Variants in ZNF557 observed in about 807,000 individuals in gnomAD.
The protein encoded by ZNF557 is CTB-25J19.9.
A neutral mutation model predicts 21.2 loss-of-function variants in ZNF557; 19 were observed. The ratio of observed to expected loss-of-function variants is 0.90; its 90% confidence interval spans 0.63 to 1.32. The LOEUF is 1.32. Among genes scored for constraint, ZNF557 ranks in the 40% most tolerant of loss-of-function variants. The probability of loss-of-function intolerance (pLI) is 0.00; values close to 1 mark genes in which losing one functional copy is unlikely to be tolerated. For synonymous variants in ZNF557, 207 were observed against 194.8 expected (o/e 1.06, Z -0.52); for missense variants, 487 against 519.8 (o/e 0.94, Z 0.61).
intron 5 of ZNF557, among the ~76,000 whole-genome samples, chr19:7,077,369 C>G (rs557371081): frequency 6.6e-6 from 1 of 152,182 alleles, no homozygotes; most frequent in East Asian, 1.9e-4. Flanking sequence ...CTCCTGGCCT[C>G]AAGTGATCCA....
rs984279674 is a variant in ZNF557, at chr19:7,085,014, C to G, written c.*1270C>G. On this transcript the variant is annotated 3_prime_UTR_variant, in exon 8 of 8. Transcript: ENST00000252840. The stretch of plus-strand genomic sequence containing the variant: ...GCCTGTGACACAAACAGTCATATTA[C>G]CAAGCACAAGACAGTATAGTTTGGT... 1 of 152,050 alleles carries G rather than the reference C, an allele frequency of 6.6e-6. No homozygotes were observed. The highest frequency in any genetic ancestry group is 1.9e-4 in the East Asian group (1 of 5,186). The allele number at this position is 152,050 out of a possible 1,614,324, so 9.4% of individuals were successfully genotyped here.
intron 2 of ZNF557, among the ~76,000 whole-genome samples, chr19:7,071,534 C>T (rs771572193): frequency 6.6e-5 from 10 of 152,216 alleles, no homozygotes; most frequent in Non-Finnish European, 8.8e-5. Context: ...GAAGCCAGAA[C>T]GGCTATTGTA....
intron 2 of ZNF557, among the ~76,000 whole-genome samples, chr19:7,071,799 CAA>C (rs71177147): frequency 5.5e-5 from 3 of 55,026 alleles, no homozygotes; most frequent in East Asian, 6.1e-4. Flanking sequence ...GACTGCATCT[CAA>C]AAAAAAAAAA....
rs372814107 is a variant in ZNF557, at chr19:7,075,725, C to T, written c.102C>T (p.Leu34=). Residue 34 remains leucine, a synonymous_variant, in exon 4 of 8, where the codon CTC becomes CTT. Coordinates refer to ENST00000252840, the MANE Select transcript of ZNF557 (RefSeq NM_024341.3). The stretch of plus-strand genomic sequence containing the variant: ...AGGGCGGAGAGCTGGTTAATGAGCT[C>T]CTGAAAAGCTGGCTAAAGGTGAGTC... ...HTEGGELVNE[L]LKSWLKGLVT... is the part of the protein sequence containing the mutation. 208 of 1,613,448 alleles carry T rather than the reference C, an allele frequency of 1.3e-4. No individual in the cohort carries two copies. The highest frequency in any genetic ancestry group is 1.2e-3 in the Middle Eastern group (7 of 6,056).
At chr19:7,071,910 C>A (rs898183847) in intron 2 of ZNF557, among the ~76,000 whole-genome samples, 7 of 148,496 alleles carry the variant, frequency 4.7e-5, no homozygotes, top group Admixed American at 1.3e-4. Flanking sequence ...TCGAGACCAT[C>A]CTGGCTAACG....
rs377018544 is a variant in ZNF557, at chr19:7,075,087, G to T, written c.13G>T (p.Val5Phe). 1 of 1,614,054 alleles carries T rather than the reference G, an allele frequency of 6.2e-7. No homozygotes were observed. Among genetic ancestry groups the T allele is most frequent in the East Asian group, 2.2e-5 (1 of 44,862 alleles). Residue 5 changes from valine (V) to phenylalanine (F), a missense_variant, in exon 3 of 8, where the codon GTC (valine) becomes TTC (phenylalanine). Physicochemically the swap from Val to Phe is conservative, Grantham distance 50. Coordinates refer to ENST00000252840, the MANE Select transcript of ZNF557 (RefSeq NM_024341.3). MAAV[V>F]LPPTAALSSL... is the part of the protein sequence containing the mutation. ...TCGGAGTCACAGGATGGCGGCTGTC[G>T]TCCTGCCCCCAACTGCCGGTGAGTC...
intron 2 of ZNF557, among the ~76,000 whole-genome samples, chr19:7,071,843 C>A (rs1451760353): frequency 7.1e-6 from 1 of 141,280 alleles, no homozygotes; most frequent in Non-Finnish European, 1.5e-5. Flanking sequence ...TGGTGGCTCA[C>A]GCCTGTAATC....
intron 2 of ZNF557, among the ~76,000 whole-genome samples, chr19:7,073,148 G>GTT (rs72453814): frequency 1.9e-3 from 86 of 45,346 alleles, no homozygotes; most frequent in African/African-American, 4.3e-3. Flanking sequence ...TGTTTTTTTG[G>GTT]TTTTTTTTGT....
In ZNF557 at chr19:7,076,421, A is replaced by G; in HGVS notation, c.161A>G (p.Gln54Arg). 1 of 1,614,178 alleles carries G rather than the reference A, an allele frequency of 6.2e-7. No individual in the cohort carries two copies. ...GAGGATGTGGCCGTGGAGTTCACCCAGGAGGAGTGGGCATTGCTGGACCCT... is the reference window on the plus strand; with the variant it reads ...GAGGATGTGGCCGTGGAGTTCACCCGGGAGGAGTGGGCATTGCTGGACCCT... ...TFEDVAVEFT[Q>R]EEWALLDPAQ... is the part of the protein sequence containing the mutation. Residue 54 changes from glutamine to arginine, a missense_variant, in exon 5 of 8, where the codon CAG (glutamine) becomes CGG (arginine). Gln to Arg is a conservative substitution (Grantham distance 43). Coordinates refer to ENST00000252840, the MANE Select transcript of ZNF557 (RefSeq NM_024341.3).
chr19:7,078,591 C>G (rs1461589048), intron 5 of ZNF557, among the ~76,000 whole-genome samples: 1 of 152,030 alleles, frequency 6.6e-6, no homozygotes, highest in Non-Finnish European at 1.5e-5. Flanking sequence ...ACCACCACAG[C>G]TAGCTAATTT....
Position 7,076,471 on chromosome 19 carries a change from G to A in ZNF557, c.211G>A (p.Val71Met), listed in dbSNP as rs561457120. The change falls in exon 5 of 8, where the codon GTG (valine) becomes ATG (methionine). Residue 71 changes from valine (V) to methionine (M), a missense_variant. Transcript: ENST00000252840. Reference sequence around the variant, plus strand: ...TGCCCAAAGGACACTGTACAGGGACGTGATGCTGGAGAACTGCAGGAACCT... The same window carrying A: ...TGCCCAAAGGACACTGTACAGGGACATGATGCTGGAGAACTGCAGGAACCT... ...DPAQRTLYRD[V>M]MLENCRNLAS... 4.3e-6 allele frequency: 7 copies of A among 1,614,028 alleles called. No individual in the cohort carries two copies. The Admixed American group carries it at 5.0e-5, about 12-fold the overall frequency.
Position 7,085,805 on chromosome 19 carries a change from T to TAGTGGTCC in ZNF557, c.*2062_*2069dup, listed in dbSNP as rs1184727001. The stretch of plus-strand genomic sequence containing the variant: ...CTTTTAATATAAACATTTATGGCTA[T>TAGTGGTCC]AGTGGTCCTGAAAATCTTACTACCT... On this transcript the variant is annotated 3_prime_UTR_variant, in exon 8 of 8. Transcript: ENST00000252840. 6.6e-6 allele frequency: 1 copy of TAGTGGTCC among 152,232 alleles called. No individual in the cohort carries two copies. The highest frequency in any genetic ancestry group is 1.5e-5 in the Non-Finnish European group (1 of 68,038). The allele number at this position is 152,232 out of a possible 1,614,324, so 9.4% of individuals were successfully genotyped here. A position where few individuals can be genotyped will look rare whatever the true frequency, so the allele number is the denominator to read the frequency against.
rs950673945 is a variant in ZNF557, at chr19:7,082,950, C to T, written c.499C>T (p.Leu167Phe). 4.3e-6 allele frequency: 7 copies of T among 1,613,514 alleles called. No individual in the cohort carries two copies. The African/African-American group carries it at 9.3e-5, about 22-fold the overall frequency. The change falls in exon 8 of 8, where the codon CTT (leucine) becomes TTT (phenylalanine). Residue 167 changes from leucine (L) to phenylalanine (F), a missense_variant. By Grantham distance (22) the Leu-to-Phe change is conservative. Coordinates refer to ENST00000252840, the MANE Select transcript of ZNF557 (RefSeq NM_024341.3). ...TAAAGTCTTCAGCACAAAATCTTCC[C>T]TTACACGGCACAGGAAGATTCATAC... ...CFKVFSTKSS[L>F]TRHRKIHTGE... is the part of the protein sequence containing the mutation.
intron 4 of ZNF557, 143 bp downstream of exon 4, chr19:7,075,886 G>A (rs1977578771): frequency 1.4e-6 from 2 of 1,455,388 alleles, no homozygotes; most frequent in Non-Finnish European, 1.8e-6. Flanking sequence ...CCCAGAAAAT[G>A]TCAGTGTGTG....
At chr19:7,081,153 GTGTGT>G (rs1568409339) in intron 5 of ZNF557, among the ~76,000 whole-genome samples, 42 of 8,072 alleles carry the variant, frequency 5.2e-3, no homozygotes, top group South Asian at 0.05. Context: ...CTTGTGGGGT[GTGTGT>G]GTGTGTGTGT....
chr19:7,079,409 T>G (rs1260167264), intron 5 of ZNF557, among the ~76,000 whole-genome samples: 2 of 114,036 alleles, frequency 1.8e-5, no homozygotes, highest in African/African-American at 7.4e-5. Context: ...GCCTCGCTAA[T>G]TTTTTATATA....
rs1977848439 is a variant in ZNF557 at position 7,086,393 on chromosome 19, G to GCT, written c.*2652_*2653dup. On this transcript the variant is annotated 3_prime_UTR_variant, in exon 8 of 8. Transcript: ENST00000252840. ...TTTTTTTTTTTTGAGACGGAGTCTT[G>GCT]CTCTGTTGTCCAGGCTAGAATGCAG... is the stretch of plus-strand genomic sequence containing the variant. The GCT allele has an allele frequency of 1.0e-5, 1 of 96,634 alleles. No individual in the cohort carries two copies. The highest frequency in any genetic ancestry group is 1.9e-5 in the Non-Finnish European group (1 of 53,934). The allele number at this position is 96,634 out of a possible 1,614,324, so 6.0% of individuals were successfully genotyped here. A position where few individuals can be genotyped will look rare whatever the true frequency, so the allele number is the denominator to read the frequency against.
Position 7,083,228 on chromosome 19 carries a change from T to C in ZNF557, c.777T>C (p.Thr259=). 1 of 1,614,234 alleles carries C rather than the reference T, an allele frequency of 6.2e-7. No homozygotes were observed. Among genetic ancestry groups the C allele is most frequent in the Non-Finnish European group, 8.5e-7 (1 of 1,180,042 alleles). ...SYLRPHLRIH[T]GEKPYKCNQC... is the part of the protein sequence containing the mutation. ...TCAGACCGCACTTGAGAATTCACAC[T>C]GGAGAAAAACCGTACAAATGTAACC... Residue 259 remains threonine, a synonymous_variant, in exon 8 of 8, where the codon ACT becomes ACC. Coordinates refer to ENST00000252840, the MANE Select transcript of ZNF557 (RefSeq NM_024341.3).
chr19:7,081,646 C>T (rs1263599078), intron 6 of ZNF557, among the ~76,000 whole-genome samples, 191 bp downstream of exon 6: 1 of 152,258 alleles, frequency 6.6e-6, no homozygotes, highest in African/African-American at 2.4e-5. Context: ...TCTGTCATCT[C>T]ATACTTTACT....
Sources: allele counts gnomAD v4.1 joint callset (sites outside exome capture counted in the v4.1 genomes callset), GRCh38; gene constraint gnomAD v4.1.1; transcripts MANE v1.5; gene names NCBI Gene and HGNC (gene_info 2026-07-23, HGNC 2026-07-21).